RUSC2: variants seen among roughly 807,000 people sequenced by gnomAD.
RUSC2 encodes the protein AP-4 complex accessory subunit RUSC2.
In RUSC2, 34 loss-of-function variants were observed where a neutral mutation model predicts 122.2. The observed-to-expected ratio is 0.28, with a 90% confidence interval of 0.21 to 0.37. The LOEUF (loss-of-function observed/expected upper bound fraction) is 0.37, where lower values mean the gene tolerates loss of function less well. Ranked by LOEUF, RUSC2 falls within the 10% of genes least tolerant of loss-of-function variation. RUSC2 has a pLI of 1.00. For missense variants in RUSC2, 1,747 were observed against 1,952.4 expected (o/e 0.89, Z 1.98); for synonymous variants, 784 against 790.0 (o/e 0.99, Z 0.13).
intron 1 of RUSC2, among the ~76,000 whole-genome samples, chr9:35,531,810 G>A (rs1354336231): frequency 1.3e-5 from 2 of 152,192 alleles, no homozygotes; most frequent in African/African-American, 4.8e-5. Flanking sequence ...CGGATCACGA[G>A]GTTAGGAGAC....
intron 1 of RUSC2, among the ~76,000 whole-genome samples, chr9:35,524,635 T>C (rs1821285851): frequency 6.6e-6 from 1 of 152,166 alleles, no homozygotes; most frequent in Admixed American, 6.5e-5. Context: ...TTTTATGTTT[T>C]TGTTGTACTC....
intron 1 of RUSC2, among the ~76,000 whole-genome samples, chr9:35,500,260 T>C (rs1484526040): frequency 7.0e-6 from 1 of 142,190 alleles, no homozygotes; most frequent in African/African-American, 2.6e-5. Context: ...ACATCTTACA[T>C]AGATGACAGG....
intron 1 of RUSC2, among the ~76,000 whole-genome samples, chr9:35,523,925 G>C (rs1821270743): frequency 1.3e-5 from 2 of 152,106 alleles, no homozygotes; most frequent in African/African-American, 4.8e-5. Flanking sequence ...TTAAAATCCA[G>C]GGGTCCATAT....
chr9:35,522,120 C>T (rs1821227947), intron 1 of RUSC2, among the ~76,000 whole-genome samples: 3 of 152,248 alleles, frequency 2.0e-5, no homozygotes, highest in Non-Finnish European at 4.4e-5. Flanking sequence ...GAGCCTCCAT[C>T]TAATCTCATG....
Position 35,560,574 on chromosome 9 carries a change from C to A in RUSC2, c.3934C>A (p.Pro1312Thr), listed in dbSNP as rs376744728. Reference sequence around the variant, plus strand: ...GAAAGGGGCAGGAGGTGGGGGACCTCCCCAGGCTCCACCACCCCGAGAGGG... The same window carrying A: ...GAAAGGGGCAGGAGGTGGGGGACCTACCCAGGCTCCACCACCCCGAGAGGG... ...KKKGAGGGGP[P>T]QAPPPREGVV... The change falls in exon 10 of 12, where the codon CCC becomes ACC. Residue 1312 changes from proline (P) to threonine (T), a missense_variant. Pro to Thr is a conservative substitution (Grantham distance 38). Transcript: ENST00000361226. 6 of 1,613,890 alleles carry A rather than the reference C, an allele frequency of 3.7e-6. No homozygotes were observed. The African/African-American group carries it at 8.0e-5, about 22-fold the overall frequency.
At chr9:35,508,817 C>A (rs1283861618) in intron 1 of RUSC2, among the ~76,000 whole-genome samples, 1 of 152,118 alleles carries the variant, frequency 6.6e-6, no homozygotes, top group Admixed American at 6.5e-5. Context: ...TTTTCTTAAT[C>A]TTTCACATCA....
intron 1 of RUSC2, among the ~76,000 whole-genome samples, chr9:35,525,390 C>T (rs1821305405): frequency 6.6e-6 from 1 of 152,184 alleles, no homozygotes; most frequent in Admixed American, 6.5e-5. Context: ...TCCAGTAATC[C>T]TGAGGAGCAG....
chr9:35,492,383 G>A (rs191294713), intron 1 of RUSC2, among the ~76,000 whole-genome samples: 1 of 151,914 alleles, frequency 6.6e-6, no homozygotes, highest in Admixed American at 6.6e-5. Flanking sequence ...AAAGTCACTT[G>A]ACTGAAGAGA....
chr9:35,519,336 A>G (rs1208593728), intron 1 of RUSC2, among the ~76,000 whole-genome samples: 1 of 152,228 alleles, frequency 6.6e-6, no homozygotes, highest in Non-Finnish European at 1.5e-5. Context: ...GGCAGCTGTG[A>G]TGGTCAGACA....
At position 35,561,035 on chromosome 9, in the gene RUSC2, G is replaced by C. The variant is rs1369270455; in HGVS notation, c.4287G>C (p.Glu1429Asp). 1 of 1,614,088 alleles carries C rather than the reference G, an allele frequency of 6.2e-7. No homozygotes were observed. Reference protein sequence around the residue: ...LVAQTVGSRREPEPKESLQEP... With the variant: ...LVAQTVGSRRDPEPKESLQEP... ...CGCAGACAGTGGGTTCCCGCCGGGAGCCAGAGCCCAAGGAGAGCCTGCAGG... is the reference window on the plus strand; with the variant it reads ...CGCAGACAGTGGGTTCCCGCCGGGACCCAGAGCCCAAGGAGAGCCTGCAGG... Residue 1429 changes from glutamate to aspartate, a missense_variant, in exon 11 of 12, where the codon GAG (glutamate) becomes GAC (aspartate). Transcript: ENST00000361226.
chr9:35,558,635 C>T lies in RUSC2; in HGVS notation c.3341+68C>T. 2.3e-6 allele frequency: 3 copies of T among 1,329,222 alleles called. No individual in the cohort carries two copies. The highest frequency in any genetic ancestry group is 2.2e-6 in the Non-Finnish European group (2 of 923,130). 82.3% of individuals were successfully genotyped at this position (1,329,222 alleles called of 1,614,324 possible). On this transcript the variant is annotated intron_variant, in intron 8 of 11. Coordinates refer to ENST00000361226, the MANE Select transcript of RUSC2 (RefSeq NM_014806.5). The surrounding 1 kb of genome is among the most constrained non-coding windows in gnomAD (Gnocchi z 4.3). ...GCCCCCCACCCCCGGGCTCTGCCTG[C>T]ACCAAGGAAACAACGCCCTGGACAG...
intron 1 of RUSC2, among the ~76,000 whole-genome samples, chr9:35,528,973 A>G (rs1036018393): frequency 4.6e-5 from 7 of 152,226 alleles, no homozygotes; most frequent in Admixed American, 6.5e-5. Flanking sequence ...AAAACAAAAA[A>G]TAAATAAATT....
chr9:35,543,983 C>A (rs1312701449), intron 1 of RUSC2, among the ~76,000 whole-genome samples: 2 of 152,178 alleles, frequency 1.3e-5, no homozygotes, highest in African/African-American at 4.8e-5. Flanking sequence ...AGTGCAGTTG[C>A]TGGGTCATGT....
chr9:35,545,903 C>T (rs1266824719), intron 1 of RUSC2, among the ~76,000 whole-genome samples: 2 of 152,180 alleles, frequency 1.3e-5, no homozygotes, highest in Admixed American at 6.5e-5. Flanking sequence ...ATAACAGTCA[C>T]TTGGTCAGAT....
intron 1 of RUSC2, among the ~76,000 whole-genome samples, chr9:35,517,125 A>G (rs1375074430): frequency 3.9e-5 from 6 of 152,224 alleles, no homozygotes; most frequent in African/African-American, 1.4e-4. Flanking sequence ...GAGTTTGCTG[A>G]TCCCTGATTT....
chr9:35,539,213 G>A (rs931230007), intron 1 of RUSC2: 1 of 139,114 alleles, frequency 7.2e-6, no homozygotes. Context: ...TTCCAAAAGG[G>A]AGAGGGGGGC....
chr9:35,492,497 G>A (rs1474727778), intron 1 of RUSC2, among the ~76,000 whole-genome samples: 2 of 151,626 alleles, frequency 1.3e-5, no homozygotes, highest in African/African-American at 4.8e-5. Flanking sequence ...TTCAGACATT[G>A]GCATTTAATA....
intron 1 of RUSC2, among the ~76,000 whole-genome samples, chr9:35,494,641 G>T (rs1820639465): frequency 6.6e-6 from 1 of 152,008 alleles, no homozygotes; most frequent in Middle Eastern, 3.4e-3. Context: ...CTTGGATTGG[G>T]TTGTTTGTCG....
rs576736029 is a variant in RUSC2, at chr9:35,493,101, C to T, written c.-93+2929C>T. 2.6e-5 allele frequency among the ~76,000 whole-genome samples: 4 copies of T among 152,124 alleles called. No homozygotes were observed. In the East Asian group the frequency reaches 5.8e-4, roughly 22 times the overall value. On this transcript the variant is annotated intron_variant, in intron 1 of 11. Transcript: ENST00000361226. ...TTATTTCATCACCCAGGTATTAAAC[C>T]TGGTACCCAATAGTTATCTTTTCTG...
Sources: gnomAD v4.1 joint callset for allele counts (sites outside exome capture counted in the v4.1 genomes callset) on GRCh38, gnomAD v4.1.1 for gene constraint, Gnocchi (gnomAD v3.1) non-coding constraint, MANE v1.5 for transcripts, NCBI Gene and HGNC (gene_info 2026-07-23, HGNC 2026-07-21) for gene names.